Variants in NOTCH2 observed in about 807,000 individuals in gnomAD.
The protein encoded by NOTCH2 is notch receptor 2, also known as neurogenic locus notch homolog protein 2.
A neutral mutation model predicts 235.8 loss-of-function variants in NOTCH2; 29 were observed. That is an observed-to-expected ratio of 0.12 (90% confidence interval 0.09 to 0.17). The LOEUF is 0.17. Ranked by LOEUF, NOTCH2 falls within the 10% of genes least tolerant of loss-of-function variation. The pLI is 1.00. For missense variants in NOTCH2, 2,285 were observed against 3,150.2 expected (o/e 0.73, Z 6.57); for synonymous variants, 1,086 against 1,141.5 (o/e 0.95, Z 0.98).
At chr1:119,928,287 A>AT (rs1649539746) in intron 23 of NOTCH2, among the ~76,000 whole-genome samples, 1 of 152,214 alleles carries the variant, frequency 6.6e-6, no homozygotes, top group Non-Finnish European at 1.5e-5. Context: ...TGGGCAAGGC[A>AT]TTACTTGTGA....
chr1:120,063,966 C>T (rs1319382960), intron 1 of NOTCH2, among the ~76,000 whole-genome samples: 21 of 152,148 alleles, frequency 1.4e-4, no homozygotes, highest in Non-Finnish European at 2.5e-4. Context: ...TGAGCAATCA[C>T]CTCAGACATG....
At chr1:119,974,414 T>A (rs1310466683) in intron 5 of NOTCH2, among the ~76,000 whole-genome samples, 1 of 152,208 alleles carries the variant, frequency 6.6e-6, no homozygotes, top group Non-Finnish European at 1.5e-5. Context: ...GAAGATAACT[T>A]GTTTTTAAAA....
chr1:119,925,658 C>G lies in NOTCH2; in HGVS notation c.4158G>C (p.Gly1386=), dbSNP rs1309823157. ...SGCASSPCQH[G]GSCHPQRQPP... ...GCTGGCGCTGAGGGTGGCAGCTGCC[C>G]CCGTGCTGGCAGGGGCTACTGGCAC... The change falls in exon 25 of 34, where the codon GGG becomes GGC. Residue 1386 remains glycine (G), a synonymous_variant. Transcript: ENST00000256646. The G allele has an allele frequency of 6.2e-7, 1 of 1,612,558 alleles. No individual in the cohort carries two copies. Among genetic ancestry groups the G allele is most frequent in the Admixed American group, 1.7e-5 (1 of 59,984 alleles).
intron 22 of NOTCH2, among the ~76,000 whole-genome samples, chr1:119,934,504 T>G (rs782376914): frequency 8.5e-5 from 13 of 152,342 alleles, no homozygotes; most frequent in Middle Eastern, 6.8e-3. Context: ...TTCTCCTTTT[T>G]ACAGGACAAT....
At chr1:119,950,491 C>A (rs781842786) in intron 15 of NOTCH2, 2 of 659,380 alleles carry the variant, frequency 3.0e-6, no homozygotes, top group South Asian at 1.5e-5. Flanking sequence ...AAAAAAATTT[C>A]TTTCAAATAC....
At position 119,940,616 on chromosome 1, in the gene NOTCH2, A is replaced by T. The variant is rs1553196327; in HGVS notation, c.3122T>A (p.Val1041Asp). ...SHPCLNEGTC[V>D]DGLGTYRCSC... ...GCAGCGGTAGGTACCCAGGCCATCA[A>T]CACACGTTCCCTCATTCAGGCATGG... Residue 1041 changes from valine (V) to aspartate (D), a missense_variant, in exon 19 of 34, where the codon GTT becomes GAT. Transcript: ENST00000256646. The T allele has an allele frequency of 3.7e-6, 6 of 1,614,082 alleles. No homozygotes were observed. Among genetic ancestry groups the T allele is most frequent in the Non-Finnish European group, 5.1e-6 (6 of 1,179,948 alleles).
intron 5 of NOTCH2, among the ~76,000 whole-genome samples, chr1:119,980,141 C>T (rs74115509): frequency 0.048 from 7,306 of 152,188 alleles, 280 homozygotes; most frequent in South Asian, 0.11. Flanking sequence ...TACAGACCTC[C>T]GCATCCATTC....
At chr1:119,934,593 T>G (rs1442224748) in intron 22 of NOTCH2, among the ~76,000 whole-genome samples, 11 of 152,220 alleles carry the variant, frequency 7.2e-5, no homozygotes, top group African/African-American at 2.7e-4. Context: ...AGCCTACTAC[T>G]AGGGTACTCT....
At chr1:119,980,323 G>A (rs1651767622) in intron 5 of NOTCH2, among the ~76,000 whole-genome samples, 1 of 152,080 alleles carries the variant, frequency 6.6e-6, no homozygotes, top group African/African-American at 2.4e-5. Flanking sequence ...AACTGTAAGA[G>A]TAAACCCCTC....
At chr1:119,965,389 G>T in intron 10 of NOTCH2, 64 bp downstream of exon 10, 2 of 1,237,616 alleles carry the variant, frequency 1.6e-6, no homozygotes, top group Non-Finnish European at 1.2e-6. Context: ...CAGAGGACAG[G>T]GACAATCACC....
At chr1:119,989,108 C>T (rs1652130370) in intron 4 of NOTCH2, among the ~76,000 whole-genome samples, 1 of 152,136 alleles carries the variant, frequency 6.6e-6, no homozygotes, top group South Asian at 2.1e-4. Flanking sequence ...GCTTCTGGGG[C>T]CAAACTGTCT....
At chr1:119,948,208 A>T (rs1371461886) in intron 17 of NOTCH2, among the ~76,000 whole-genome samples, 4 of 152,232 alleles carry the variant, frequency 2.6e-5, no homozygotes, top group African/African-American at 9.6e-5. Flanking sequence ...AATTAAAGGG[A>T]ATGCTTAAAA....
At chr1:120,047,939 AT>A (rs587704612) in intron 1 of NOTCH2, among the ~76,000 whole-genome samples, 1 of 143,138 alleles carries the variant, frequency 7.0e-6, no homozygotes, top group Non-Finnish European at 1.5e-5. Context: ...TAATTTTTGC[AT>A]TTTTTTCCGT....
chr1:119,921,083 T>A (rs1238903721), intron 29 of NOTCH2, among the ~76,000 whole-genome samples: 1 of 152,250 alleles, frequency 6.6e-6, no homozygotes. Context: ...TGCCAGCTAC[T>A]AAGCGGCAGA....
chr1:119,983,747 CT>C (rs1185060220), intron 5 of NOTCH2, among the ~76,000 whole-genome samples: 3 of 152,150 alleles, frequency 2.0e-5, no homozygotes, highest in Non-Finnish European at 4.4e-5. Context: ...GGAATTTATG[CT>C]CATCTTGAAG....
chr1:119,931,822 G>A (rs1553195146), intron 22 of NOTCH2, among the ~76,000 whole-genome samples: 1 of 151,592 alleles, frequency 6.6e-6, no homozygotes, highest in Non-Finnish European at 1.5e-5. Flanking sequence ...CATTTTAAAA[G>A]TGATAAATTC....
intron 12 of NOTCH2, among the ~76,000 whole-genome samples, 179 bp from the exon 13 acceptor site, chr1:119,955,411 C>T (rs1370437450): frequency 6.6e-6 from 1 of 152,186 alleles, no homozygotes; most frequent in Non-Finnish European, 1.5e-5. Flanking sequence ...TGCAAAGGAG[C>T]AAAGAGCATT....
In NOTCH2 at chr1:119,920,413, A is replaced by C; in HGVS notation, c.5311-16T>G. ...CATCTTCAGCCTGAAAGGTGAAAAC[A>C]ATGCTCCCTATCAATCTGGCCACCA... On this transcript the variant is annotated splice_polypyrimidine_tract_variant and intron_variant, in intron 29 of 33. Transcript: ENST00000256646. The C allele has an allele frequency of 1.2e-6, 2 of 1,614,010 alleles. No individual in the cohort carries two copies. Among genetic ancestry groups the C allele is most frequent in the Non-Finnish European group, 1.7e-6 (2 of 1,179,964 alleles).
chr1:119,955,245 G>C lies in NOTCH2; in HGVS notation c.2027-13C>G, dbSNP rs1553198273. 6.2e-7 allele frequency: 1 copy of C among 1,613,448 alleles called. No homozygotes were observed. The highest frequency in any genetic ancestry group is 1.7e-5 in the Admixed American group (1 of 60,018). On this transcript the variant is annotated splice_polypyrimidine_tract_variant and intron_variant, in intron 12 of 33. Coordinates refer to ENST00000256646, the MANE Select transcript of NOTCH2 (RefSeq NM_024408.4). ...TTACATCTCTGCCCTGTGGAGAAGG[G>C]GGACAGTGTTAGTCACATCCTAAAT...
Sources: allele counts gnomAD v4.1 joint callset (sites outside exome capture counted in the v4.1 genomes callset), GRCh38; gene constraint gnomAD v4.1.1; transcripts MANE v1.5; gene names NCBI Gene and HGNC (gene_info 2026-07-23, HGNC 2026-07-21).